The following GALNTL6 variants were observed in gnomAD, a reference collection of about 807,000 sequenced individuals.
The protein encoded by GALNTL6 is polypeptide N-acetylgalactosaminyltransferase-like 6.
Under a neutral mutation model 73.7 loss-of-function variants are expected in GALNTL6, and 46 were observed. The observed-to-expected ratio is 0.62, with a 90% CI of 0.49 to 0.80. The LOEUF is 0.80. GALNTL6 is among the 30% of genes least tolerant of loss of function. GALNTL6 has a pLI of 0.00. For synonymous variants in GALNTL6, 259 were observed against 263.7 expected (o/e 0.98, Z 0.17); for missense variants, 604 against 755.0 (o/e 0.80, Z 2.34).
At chr4:172,122,155 C>T (rs750346222) in intron 2 of GALNTL6, among the ~76,000 whole-genome samples, 9 of 151,202 alleles carry the variant, frequency 6.0e-5, no homozygotes, top group Non-Finnish European at 7.4e-5. Context: ...AGAGCGTGAG[C>T]AATGGCTGTA....
intron 2 of GALNTL6, among the ~76,000 whole-genome samples, chr4:172,121,756 T>G (rs1012188226): frequency 1.3e-5 from 2 of 152,086 alleles, no homozygotes; most frequent in Non-Finnish European, 2.9e-5. Context: ...CATCTCAAAG[T>G]GCTAGGCCAA....
At chr4:172,283,407 A>T (rs1228122826) in intron 3 of GALNTL6, among the ~76,000 whole-genome samples, 1 of 152,184 alleles carries the variant, frequency 6.6e-6, no homozygotes, top group South Asian at 2.1e-4. Context: ...AATAAGTAAT[A>T]TGTCATATGA....
intron 2 of GALNTL6, among the ~76,000 whole-genome samples, chr4:171,960,944 A>G (rs1358039930): frequency 1.3e-5 from 2 of 151,876 alleles, no homozygotes; most frequent in Non-Finnish European, 2.9e-5. Flanking sequence ...GCCATTCTTT[A>G]TTCCTTTATT....
intron 9 of GALNTL6, among the ~76,000 whole-genome samples, chr4:172,946,706 T>G (rs1273032995): frequency 1.3e-5 from 2 of 152,122 alleles, no homozygotes; most frequent in Non-Finnish European, 2.9e-5. Flanking sequence ...AAAAGAGAGA[T>G]TAATGCCAGT....
At chr4:172,405,431 ATATATATATATATTTTTTTTTT>A (rs1329444535) in intron 5 of GALNTL6, among the ~76,000 whole-genome samples, 99 of 4,312 alleles carry the variant, frequency 0.023, 2 homozygotes, top group African/African-American at 0.042. Context: ...ATATATATAT[ATATATATATATATTTTTTTTTT>A]TTTTTTTTTT....
intron 7 of GALNTL6, among the ~76,000 whole-genome samples, chr4:172,831,723 G>A (rs988274024): frequency 2.0e-5 from 3 of 152,202 alleles, no homozygotes; most frequent in Non-Finnish European, 4.4e-5. Context: ...GCCCCAACAT[G>A]ATGGGATTTG....
rs759479181 is a variant in GALNTL6 at position 172,313,339 on chromosome 4, A to G, written c.386+1587A>G. Among the ~76,000 whole-genome samples, 4 of 152,072 alleles carry G rather than the reference A, an allele frequency of 2.6e-5. No individual in the cohort carries two copies. The East Asian group carries it at 5.8e-4, about 22-fold the overall frequency. On this transcript the variant is annotated intron_variant, in intron 4 of 12. Transcript: ENST00000506823. ...CGGGATTTCACCTGTTAGCCAGGAT[A>G]GTCTCGATCTCCTGACCTCGTGATC...
intron 5 of GALNTL6, among the ~76,000 whole-genome samples, chr4:172,427,751 C>T (rs1731284659): frequency 6.6e-6 from 1 of 152,034 alleles, no homozygotes; most frequent in Non-Finnish European, 1.5e-5. Context: ...CATGTCTGAA[C>T]TTTTTGACTG....
intron 5 of GALNTL6, among the ~76,000 whole-genome samples, chr4:172,708,177 A>T (rs1734475685): frequency 6.6e-6 from 1 of 152,136 alleles, no homozygotes; most frequent in Non-Finnish European, 1.5e-5. Flanking sequence ...CAGCCTCCCA[A>T]GTAGCTGGAA....
At chr4:172,451,652 T>C (rs1244594371) in intron 5 of GALNTL6, among the ~76,000 whole-genome samples, 2 of 152,166 alleles carry the variant, frequency 1.3e-5, no homozygotes, top group East Asian at 1.9e-4. Context: ...GATATAGATA[T>C]CCTTATTATA....
intron 2 of GALNTL6, among the ~76,000 whole-genome samples, chr4:171,924,178 A>G (rs1177421871): frequency 9.0e-6 from 1 of 111,090 alleles, no homozygotes; most frequent in East Asian, 2.3e-4. Flanking sequence ...AATACACCAC[A>G]CACATACACA....
intron 2 of GALNTL6, among the ~76,000 whole-genome samples, chr4:171,830,220 A>T (rs542484990): frequency 1.6e-4 from 24 of 152,150 alleles, no homozygotes. Flanking sequence ...TTCCAGAGGT[A>T]GTGCATCCCT....
chr4:172,087,463 A>C (rs1394673389), intron 2 of GALNTL6, among the ~76,000 whole-genome samples: 241 of 146,008 alleles, frequency 1.7e-3, no homozygotes, highest in African/African-American at 6.3e-3. Context: ...AAAAAACAAA[A>C]AAAACAAAAA....
chr4:172,469,827 T>A (rs1246601107), intron 5 of GALNTL6, among the ~76,000 whole-genome samples: 2 of 152,222 alleles, frequency 1.3e-5, no homozygotes, highest in Admixed American at 6.5e-5. Context: ...ACTAATTTGA[T>A]CCTGATTTTA....
chr4:171,958,049 T>C (rs1001930774), intron 2 of GALNTL6, among the ~76,000 whole-genome samples: 1 of 152,164 alleles, frequency 6.6e-6, no homozygotes, highest in African/African-American at 2.4e-5. Flanking sequence ...GCCTCACATG[T>C]TAATCTAGAG....
At chr4:172,530,613 C>T (rs1561124598) in intron 5 of GALNTL6, among the ~76,000 whole-genome samples, 1 of 152,114 alleles carries the variant, frequency 6.6e-6, no homozygotes, top group South Asian at 2.1e-4. Context: ...ATTGAATATT[C>T]AAGGCACACT....
chr4:172,014,377 G>A (rs1239372156), intron 2 of GALNTL6, among the ~76,000 whole-genome samples: 2 of 151,964 alleles, frequency 1.3e-5, no homozygotes, highest in African/African-American at 2.4e-5. Context: ...ATTCTCACCA[G>A]CATTTATTAG....
At chr4:172,917,007 G>T (rs1239374318) in intron 8 of GALNTL6, among the ~76,000 whole-genome samples, 2 of 152,090 alleles carry the variant, frequency 1.3e-5, no homozygotes, top group Admixed American at 6.5e-5. Context: ...ATACTACAAG[G>T]CTACAGTAAC....
intron 9 of GALNTL6, among the ~76,000 whole-genome samples, chr4:172,934,945 C>T (rs1372915186): frequency 4.6e-5 from 7 of 152,180 alleles, no homozygotes; most frequent in Non-Finnish European, 1.0e-4. Flanking sequence ...TTACTGGCAC[C>T]TATGGGGACA....
Sources: allele counts gnomAD v4.1 joint callset (sites outside exome capture counted in the v4.1 genomes callset), GRCh38; gene constraint gnomAD v4.1.1; transcripts MANE v1.5; gene names NCBI Gene and HGNC (gene_info 2026-07-23, HGNC 2026-07-21).